The following ADGRL3 variants were observed in gnomAD, a reference collection of about 807,000 sequenced individuals.
The protein encoded by ADGRL3 is calcium-independent alpha-latrotoxin receptor 3.
ADGRL3 carries 62 observed loss-of-function variants against 153.5 expected under a neutral mutation model. The ratio of observed to expected loss-of-function variants is 0.40; its 90% confidence interval spans 0.33 to 0.50. The LOEUF (loss-of-function observed/expected upper bound fraction) is 0.50, where lower values mean the gene tolerates loss of function less well. Among genes scored for constraint, ADGRL3 ranks in the 20% least tolerant of loss-of-function variants. The probability of loss-of-function intolerance (pLI) is 0.47; values close to 1 mark genes in which losing one functional copy is unlikely to be tolerated. For missense variants in ADGRL3, 1,641 were observed against 1,859.4 expected, an observed-to-expected ratio of 0.88 and a Z score of 2.16; for synonymous variants, 710 against 672.5, an observed-to-expected ratio of 1.06 and a Z score of -0.86.
At chr4:61,750,796 GA>G (rs34825890) in intron 8 of ADGRL3, among the ~76,000 whole-genome samples, 3,913 of 121,910 alleles carry the variant, frequency 0.032, 123 homozygotes, top group East Asian at 0.088. Flanking sequence ...TCTCAAAAAA[GA>G]AAAAAAAAAA....
intron 11 of ADGRL3, among the ~76,000 whole-genome samples, chr4:61,908,185 G>C (rs1474670887): frequency 1.3e-5 from 2 of 152,124 alleles, no homozygotes; most frequent in African/African-American, 4.8e-5. Flanking sequence ...GATGAGCTGG[G>C]AGGATGCCTT....
At chr4:61,725,060 A>G (rs569923625) in intron 6 of ADGRL3, among the ~76,000 whole-genome samples, 1 of 152,284 alleles carries the variant, frequency 6.6e-6, no homozygotes, top group South Asian at 2.1e-4. Context: ...CTTTGAAAAT[A>G]CCATAGTGCC....
intron 5 of ADGRL3, among the ~76,000 whole-genome samples, chr4:61,649,544 G>T (rs1226937898): frequency 6.6e-6 from 1 of 152,030 alleles, no homozygotes. Context: ...TTTTGTAGAA[G>T]AGTTTAGCCT....
intron 2 of ADGRL3, among the ~76,000 whole-genome samples, chr4:61,462,398 G>T (rs1410625331): frequency 6.6e-6 from 1 of 152,082 alleles, no homozygotes; most frequent in Non-Finnish European, 1.5e-5. Context: ...ATTCTGGCAG[G>T]TAAGAAGTCA....
intron 3 of ADGRL3, among the ~76,000 whole-genome samples, chr4:61,507,650 T>C (rs1432771501): frequency 2.6e-5 from 4 of 152,128 alleles, no homozygotes; most frequent in Non-Finnish European, 5.9e-5. Context: ...TTAAAACAGA[T>C]TGAGTTTGTT....
chr4:61,717,381 T>C (rs1334989321), intron 6 of ADGRL3, among the ~76,000 whole-genome samples: 1 of 152,178 alleles, frequency 6.6e-6, no homozygotes, highest in African/African-American at 2.4e-5. Context: ...AATAATTCAG[T>C]ACCAACTGAT....
chr4:61,830,823 G>T (rs1045070652), intron 9 of ADGRL3, among the ~76,000 whole-genome samples: 5 of 152,156 alleles, frequency 3.3e-5, no homozygotes, highest in Admixed American at 2.0e-4. Flanking sequence ...AAAGGAGATC[G>T]TGTCTGTGTC....
chr4:61,917,694 G>A (rs531528779), intron 13 of ADGRL3, among the ~76,000 whole-genome samples: 1 of 152,232 alleles, frequency 6.6e-6, no homozygotes, highest in African/African-American at 2.4e-5. Context: ...GGGATGGGGG[G>A]CAAGAAAGCA....
chr4:61,386,371 T>C (rs901694872), intron 2 of ADGRL3, among the ~76,000 whole-genome samples: 2 of 152,166 alleles, frequency 1.3e-5, no homozygotes, highest in Non-Finnish European at 2.9e-5. Flanking sequence ...ATTTGACTCT[T>C]AAATTCTAAG....
At chr4:61,754,104 G>A (rs561124050) in intron 8 of ADGRL3, among the ~76,000 whole-genome samples, 1 of 152,296 alleles carries the variant, frequency 6.6e-6, no homozygotes, top group African/African-American at 2.4e-5. Context: ...AAGGGTCTTT[G>A]TAATCATTGG....
chr4:61,839,972 TAA>T (rs5858732), intron 9 of ADGRL3, among the ~76,000 whole-genome samples: 46 of 146,138 alleles, frequency 3.1e-4, no homozygotes, highest in African/African-American at 1.0e-3. Flanking sequence ...AAAAGGACAT[TAA>T]AAAAAAAAAG....
At chr4:61,879,157 A>T (rs1379778812) in intron 9 of ADGRL3, among the ~76,000 whole-genome samples, 1 of 152,204 alleles carries the variant, frequency 6.6e-6, no homozygotes, top group African/African-American at 2.4e-5. Flanking sequence ...ATTTGATTAT[A>T]ATGTTACTAT....
chr4:61,502,805 T>C (rs998519582), intron 3 of ADGRL3, among the ~76,000 whole-genome samples: 5 of 152,214 alleles, frequency 3.3e-5, no homozygotes, highest in Non-Finnish European at 4.4e-5. Context: ...TAATTCTTTC[T>C]ATGAAGATGT....
At chr4:61,960,014 T>A (rs933317490) in intron 17 of ADGRL3, among the ~76,000 whole-genome samples, 6 of 152,162 alleles carry the variant, frequency 3.9e-5, no homozygotes, top group African/African-American at 1.4e-4. Context: ...AACTTGCATG[T>A]TGAGTACCTC....
At chr4:61,368,160 G>A (rs867827147) in intron 1 of ADGRL3, among the ~76,000 whole-genome samples, 2,270 of 151,770 alleles carry the variant, frequency 0.015, 61 homozygotes, top group African/African-American at 0.052. Context: ...TGAGTAGGTT[G>A]CAAAAATTTT....
chr4:62,070,225 A>G lies in ADGRL3; in HGVS notation c.3949A>G (p.Ile1317Val), dbSNP rs745967404. The change falls in exon 27 of 27, where the codon ATC becomes GTC. Residue 1317 changes from isoleucine (I) to valine (V), a missense_variant. By Grantham distance (29) the Ile-to-Val change is conservative. Transcript: ENST00000683033. ...CGAATACCTGAGCAACTGTGTGCAAATCATAGACCGTGGCTATAACCATAA... is the reference window on the plus strand; with the variant it reads ...CGAATACCTGAGCAACTGTGTGCAAGTCATAGACCGTGGCTATAACCATAA... The part of the protein sequence containing the change: ...SGEYLSNCVQ[I>V]IDRGYNHNET... 20 of 1,613,800 alleles carry G rather than the reference A, an allele frequency of 1.2e-5. No individual in the cohort carries two copies. The Admixed American group carries it at 3.3e-4, about 27-fold the overall frequency.
chr4:61,574,467 AG>A (rs2098856409), intron 4 of ADGRL3, among the ~76,000 whole-genome samples: 1 of 151,940 alleles, frequency 6.6e-6, no homozygotes, highest in African/African-American at 2.4e-5. Flanking sequence ...ACAGTGAGCA[AG>A]GTAATTGAAA....
chr4:62,014,090 A>G (rs561217994), intron 21 of ADGRL3, among the ~76,000 whole-genome samples: 136 of 152,204 alleles, frequency 8.9e-4, no homozygotes, highest in Non-Finnish European at 1.7e-3. Context: ...ATGGAGAGAC[A>G]GAAGAAGAAG....
Position 61,983,592 on chromosome 4 carries a change from A to G in ADGRL3, c.3225A>G (p.Gly1075=). The change falls in exon 19 of 27, where the codon GGA becomes GGG. Residue 1075 remains glycine, a synonymous_variant. Transcript: ENST00000683033. ...CTGCAGTAGACTACAGGAGTTATGG[A>G]ACAGATAAAGTGTAAGTTTATTGTT... ...VSAAVDYRSY[G]TDKVCWLRLD... is the part of the protein sequence containing the mutation. The G allele has an allele frequency of 6.2e-7, 1 of 1,613,480 alleles. No individual in the cohort carries two copies. The highest frequency in any genetic ancestry group is 8.5e-7 in the Non-Finnish European group (1 of 1,179,494).
Sources: allele counts gnomAD v4.1 joint callset (sites outside exome capture counted in the v4.1 genomes callset), GRCh38; gene constraint gnomAD v4.1.1; transcripts MANE v1.5; gene names NCBI Gene and HGNC (gene_info 2026-07-23, HGNC 2026-07-21).